The following POMT1 variants were observed in gnomAD, a reference collection of about 807,000 sequenced individuals.
POMT1 encodes the protein protein O-mannosyl-transferase 1.
A neutral mutation model predicts 101.6 loss-of-function variants in POMT1; 85 were observed. That is an observed-to-expected ratio of 0.84 (90% CI 0.70 to 1.00). POMT1 has a LOEUF of 1.00. POMT1 is among the 50% of genes least tolerant of loss of function. The pLI is 0.00. For missense variants in POMT1, 857 were observed against 930.4 expected, an observed-to-expected ratio of 0.92 and a Z score of 1.03; for synonymous variants, 371 against 383.0, an observed-to-expected ratio of 0.97 and a Z score of 0.37.
chr9:131,504,178 T>G lies in POMT1; in HGVS notation c.-30-11T>G. On this transcript the variant is annotated splice_polypyrimidine_tract_variant and intron_variant, in intron 1 of 19. Coordinates refer to ENST00000402686, the MANE Select transcript of POMT1 (RefSeq NM_001077365.2). ...GCCCTCATGGACCACGGCTCCTCCCTTCTTTTCTAGGGCGTCTGCCTGAGC... is the reference window on the plus strand; with the variant it reads ...GCCCTCATGGACCACGGCTCCTCCCGTCTTTTCTAGGGCGTCTGCCTGAGC... 1 of 1,613,844 alleles carries G rather than the reference T, an allele frequency of 6.2e-7. No individual in the cohort carries two copies. Among genetic ancestry groups the G allele is most frequent in the South Asian group, 1.1e-5 (1 of 91,076 alleles).
intron 13 of POMT1, among the ~76,000 whole-genome samples, chr9:131,516,040 C>CTA (rs74207135): frequency 0.25 from 2,631 of 10,528 alleles, 212 homozygotes; most frequent in South Asian, 0.34. Flanking sequence ...AGCACTTCCT[C>CTA]ACACGGAGCA....
chr9:131,521,260 G>A, intron 17 of POMT1, 86 bp from the exon 18 acceptor site: 1 of 1,577,470 alleles, frequency 6.3e-7, no homozygotes, highest in Admixed American at 1.7e-5. Flanking sequence ...AGTAGTGCGT[G>A]CATCTGAATT....
In POMT1 at chr9:131,503,322, G is replaced by C. The variant is rs1564321940; in HGVS notation, c.-31+249G>C. 6.5e-6 allele frequency: 1 copy of C among 153,440 alleles called. No homozygotes were observed. Among genetic ancestry groups the C allele is most frequent in the Non-Finnish European group, 1.4e-5 (1 of 69,068 alleles). 9.5% of individuals were successfully genotyped at this position (153,440 alleles called of 1,614,324 possible). A position where few individuals can be genotyped will look rare whatever the true frequency, so the allele number is the denominator to read the frequency against. On this transcript the variant is annotated intron_variant, in intron 1 of 19. Transcript: ENST00000402686. This position sits in a 1 kb window ranked among gnomAD's most constrained non-coding sequence, Gnocchi z 4.4. ...GCGGGTGCAGTCTCAGGGTGAGGACGGAGCTGGGGCCGACGCAGCCTCGGG... is the reference window on the plus strand; with the variant it reads ...GCGGGTGCAGTCTCAGGGTGAGGACCGAGCTGGGGCCGACGCAGCCTCGGG...
chr9:131,503,892 C>G lies in POMT1; in HGVS notation c.-30-297C>G, dbSNP rs1036301905. ...TCGTCGGGGAGGGAGGGGAGAAACC[C>G]TGGCGTTCCTTAGCAGTGTTCTCGC... On this transcript the variant is annotated intron_variant, in intron 1 of 19. Transcript: ENST00000402686. The surrounding 1 kb of genome is among the most constrained non-coding windows in gnomAD (Gnocchi z 4.4). Among the ~76,000 whole-genome samples, 10 of 152,180 alleles carry G rather than the reference C, an allele frequency of 6.6e-5. No individual in the cohort carries two copies. Among genetic ancestry groups the G allele is most frequent in the Non-Finnish European group, 1.3e-4 (9 of 68,034 alleles).
rs367775263 is a variant in POMT1, at chr9:131,520,200, G to A, written c.1698+7G>A. 2.1e-5 allele frequency: 34 copies of A among 1,602,692 alleles called. No individual in the cohort carries two copies. In the African/African-American group the frequency reaches 2.5e-4, roughly 12 times the overall value. ...GCTGCACCCCAGGACCAGCGTAAGC[G>A]AGCGATGCTGACAGCTGACAGTCAT... On this transcript the variant is annotated splice_region_variant and intron_variant, in intron 17 of 19. Coordinates refer to ENST00000402686, the MANE Select transcript of POMT1 (RefSeq NM_001077365.2).
rs775383835 is a variant in POMT1, at chr9:131,515,580, C to T, written c.1272+58C>T. The T allele has an allele frequency of 2.1e-3, 3,179 of 1,510,542 alleles. 11 individuals are homozygous for T. Among genetic ancestry groups the T allele is most frequent in the Middle Eastern group, 5.2e-3 (26 of 4,984 alleles). 93.6% of individuals were successfully genotyped at this position (1,510,542 alleles called of 1,614,324 possible). The stretch of plus-strand genomic sequence containing the variant: ...CGTCAGTAATGAACACTCCCTCACA[C>T]GGAGCACTTCCTCACCCGGAGCACT... On this transcript the variant is annotated intron_variant, in intron 13 of 19. Coordinates refer to ENST00000402686, the MANE Select transcript of POMT1 (RefSeq NM_001077365.2).
In POMT1 at chr9:131,504,353, A is replaced by G. The variant is rs995522528; in HGVS notation, c.122+13A>G. ...CGCGGGCTGTGGTGTAAGCTAAATG[A>G]CTCCATTCCCAGGGTGAATCTAGAA... is the stretch of plus-strand genomic sequence containing the variant. On this transcript the variant is annotated intron_variant, in intron 2 of 19. Transcript: ENST00000402686. 6.2e-7 allele frequency: 1 copy of G among 1,613,638 alleles called. No homozygotes were observed. The highest frequency in any genetic ancestry group is 1.3e-5 in the African/African-American group (1 of 74,792).
chr9:131,510,519 C>T, intron 9 of POMT1, 104 bp downstream of exon 9: 2 of 1,397,820 alleles, frequency 1.4e-6, no homozygotes. Flanking sequence ...TGAATCAAAA[C>T]ATGAAGAATC....
intron 17 of POMT1, 150 bp from the exon 18 acceptor site, chr9:131,521,196 G>C: frequency 9.5e-7 from 1 of 1,051,732 alleles, no homozygotes; most frequent in Non-Finnish European, 1.4e-6. Context: ...GTCCACAGTA[G>C]TAGTAAGGCC....
chr9:131,510,619 T>A, intron 9 of POMT1: 1 of 687,054 alleles, frequency 1.5e-6, no homozygotes, highest in South Asian at 1.8e-5. Flanking sequence ...TTCTCCTACC[T>A]CAGCCTCCCA....
At chr9:131,515,980 TC>T (rs1948394055) in intron 13 of POMT1, among the ~76,000 whole-genome samples, 1 of 6,208 alleles carries the variant, frequency 1.6e-4, no homozygotes, top group Non-Finnish European at 8.7e-4. Flanking sequence ...ACACTTCCTC[TC>T]ACACTCACAC....
chr9:131,522,852 A>T lies in POMT1; in HGVS notation c.2004-80A>T, dbSNP rs1185351959. 16 of 1,410,452 alleles carry T rather than the reference A, an allele frequency of 1.1e-5. No homozygotes were observed. The highest frequency in any genetic ancestry group is 1.5e-5 in the Non-Finnish European group (15 of 1,033,718). The allele number at this position is 1,410,452 out of a possible 1,614,324, so 87.4% of individuals were successfully genotyped here. A position where few individuals can be genotyped will look rare whatever the true frequency, so the allele number is the denominator to read the frequency against. ...CAGGCCTCGGGGGGTGACCGTGTGG[A>T]CAGCAGATGCCAAGAGGGTGCCGGG... On this transcript the variant is annotated intron_variant, in intron 19 of 19. Coordinates refer to ENST00000402686, the MANE Select transcript of POMT1 (RefSeq NM_001077365.2). The surrounding 1 kb of genome is among the most constrained non-coding windows in gnomAD (Gnocchi z 5.5).
intron 9 of POMT1, chr9:131,510,991 G>A (rs1024813280): frequency 7.4e-6 from 2 of 270,566 alleles, no homozygotes; most frequent in South Asian, 4.8e-5. Context: ...CTGTAGTGCT[G>A]TGTGTTTCAG....
intron 4 of POMT1, among the ~76,000 whole-genome samples, chr9:131,507,016 G>A (rs1046901242): frequency 6.6e-6 from 1 of 151,574 alleles, no homozygotes; most frequent in African/African-American, 2.4e-5. Context: ...GCAGTGAGAT[G>A]AGATGGCGCC....
intron 9 of POMT1, 191 bp downstream of exon 9, chr9:131,510,606 C>A: frequency 1.3e-6 from 1 of 749,428 alleles, no homozygotes; most frequent in South Asian, 1.7e-5. Context: ...TGGCTTCAAG[C>A]GATTCTCCTA....
At chr9:131,514,213 C>T (rs1275692341) in intron 12 of POMT1, among the ~76,000 whole-genome samples, 2 of 152,184 alleles carry the variant, frequency 1.3e-5, no homozygotes, top group African/African-American at 2.4e-5. Context: ...GCAGCCTGTC[C>T]GGCCTGCGGA....
At chr9:131,504,088 G>A in intron 1 of POMT1, 101 bp from the exon 2 acceptor site, 1 of 1,398,824 alleles carries the variant, frequency 7.1e-7, no homozygotes, top group Non-Finnish European at 1.0e-6. Context: ...GCCCGGCTGT[G>A]CTGTGGTTCT....
At position 131,509,260 on chromosome 9, in the gene POMT1, C is replaced by G. The variant is rs559518864; in HGVS notation, c.539+238C>G. Among the ~76,000 whole-genome samples, 3 of 152,290 alleles carry G rather than the reference C, an allele frequency of 2.0e-5. No individual in the cohort carries two copies. In the East Asian group the frequency reaches 5.8e-4, roughly 29 times the overall value. On this transcript the variant is annotated intron_variant, in intron 6 of 19. Transcript: ENST00000402686. ...CCGCTTCCCAGGTTCAAGCAATTCT[C>G]CAGCCTCAGTCTCCCGAGTAGCTGA...
Position 131,511,369 on chromosome 9 carries a change from A to G in POMT1, c.888A>G (p.Pro296=). 6.2e-7 allele frequency: 1 copy of G among 1,613,954 alleles called. No individual in the cohort carries two copies. The highest frequency in any genetic ancestry group is 1.3e-5 in the African/African-American group (1 of 75,044). ...GGLARITQGQ[P]LEVAFGSQVT... is the part of the protein sequence containing the mutation. ...TAGCTCGGATCACTCAGGGTCAGCC[A>G]CTGGAGGTGGCCTTTGGGTCCCAGG... Residue 296 remains proline (P), a synonymous_variant, in exon 10 of 20, where the codon CCA becomes CCG. Transcript: ENST00000402686.
Sources: gnomAD v4.1 joint callset for allele counts (sites outside exome capture counted in the v4.1 genomes callset) on GRCh38, gnomAD v4.1.1 for gene constraint, Gnocchi (gnomAD v3.1) non-coding constraint, MANE v1.5 for transcripts, NCBI Gene and HGNC (gene_info 2026-07-23, HGNC 2026-07-21) for gene names.